The following SVEP1 variants were observed in gnomAD, a reference collection of about 807,000 sequenced individuals.
SVEP1 encodes sushi, von Willebrand factor type A, EGF and pentraxin domain-containing protein 1.
In SVEP1, 164 loss-of-function variants were observed where a neutral mutation model predicts 367.3. That is an observed-to-expected ratio of 0.45 (90% confidence interval 0.39 to 0.51). The LOEUF is 0.51. SVEP1 is among the 20% of genes least tolerant of loss of function. SVEP1 has a pLI of 0.00. For missense variants in SVEP1, 4,117 were observed against 4,425.3 expected, an observed-to-expected ratio of 0.93 and a Z score of 1.98; for synonymous variants, 1,666 against 1,611.6, an observed-to-expected ratio of 1.03 and a Z score of -0.81.
At chr9:110,424,434 TA>T (rs1459500572) in intron 36 of SVEP1, among the ~76,000 whole-genome samples, 1 of 152,176 alleles carries the variant, frequency 6.6e-6, no homozygotes, top group African/African-American at 2.4e-5. Flanking sequence ...TTAAAATATA[TA>T]AATTAATAGG....
chr9:110,527,235 G>A (rs1829950453), intron 3 of SVEP1, among the ~76,000 whole-genome samples: 1 of 151,906 alleles, frequency 6.6e-6, no homozygotes, highest in Non-Finnish European at 1.5e-5. Flanking sequence ...GAGGATCTCT[G>A]TATATTACTT....
chr9:110,390,259 GTATGTATATATATACT>G (rs1564127426), intron 40 of SVEP1, among the ~76,000 whole-genome samples: 9 of 53,922 alleles, frequency 1.7e-4, no homozygotes, highest in Non-Finnish European at 3.0e-4. Context: ...ACTTATATAA[GTATGTATATATATACT>G]TATATATATA....
chr9:110,385,832 A>C, intron 43 of SVEP1, 66 bp downstream of exon 43: 2 of 1,524,892 alleles, frequency 1.3e-6, no homozygotes, highest in Non-Finnish European at 1.8e-6. Context: ...GATTGAAAAC[A>C]ACCTCACAGG....
chr9:110,434,532 A>T (rs1301216837), intron 29 of SVEP1, 26 bp from the exon 30 acceptor site: 1 of 1,605,486 alleles, frequency 6.2e-7, no homozygotes, highest in Middle Eastern at 2.0e-4. Context: ...ACAGGTGCAG[A>T]GCTTGTCAGC....
chr9:110,543,010 G>A (rs1039536576), intron 3 of SVEP1, among the ~76,000 whole-genome samples: 14 of 148,786 alleles, frequency 9.4e-5, no homozygotes, highest in African/African-American at 3.4e-4. Context: ...AAAAATAAAG[G>A]GGCTCACTGC....
chr9:110,544,045 C>T (rs1376719788), intron 3 of SVEP1, among the ~76,000 whole-genome samples: 2 of 151,374 alleles, frequency 1.3e-5, no homozygotes, highest in South Asian at 2.1e-4. Context: ...GGGGTTTCTG[C>T]CAGCTGGGAT....
intron 6 of SVEP1, among the ~76,000 whole-genome samples, chr9:110,501,731 A>T (rs1829535442): frequency 6.6e-6 from 1 of 152,196 alleles, no homozygotes; most frequent in South Asian, 2.1e-4. Flanking sequence ...TGAGTTTTAA[A>T]ACATTTTACT....
At chr9:110,489,535 C>T (rs1021345206) in intron 9 of SVEP1, 115 bp downstream of exon 9, 4 of 994,782 alleles carry the variant, frequency 4.0e-6, no homozygotes, top group Admixed American at 5.1e-5. Context: ...GGGAAAGACC[C>T]ACCTCTATGA....
rs766861284 is a variant in SVEP1, at chr9:110,407,668, T to A, written c.7932A>T (p.Pro2644=). 1 of 1,613,896 alleles carries A rather than the reference T, an allele frequency of 6.2e-7. No homozygotes were observed. The change falls in exon 38 of 48, where the codon CCA becomes CCT. Residue 2644 remains proline, a synonymous_variant. Coordinates refer to ENST00000374469, the MANE Select transcript of SVEP1 (RefSeq NM_153366.4). ...GATAAGGAGGGTGAGGAGTCACATA[T>A]GGAACTTCCATCATGTCGTCTTCTT... ...FEQEDDMMEV[P]YVTPHPPYHL...
chr9:110,493,466 G>C (rs1564158453), intron 8 of SVEP1, among the ~76,000 whole-genome samples: 1 of 152,148 alleles, frequency 6.6e-6, no homozygotes, highest in Non-Finnish European at 1.5e-5. Context: ...AGGCACGGTT[G>C]GCTCATGCCT....
At chr9:110,429,481 A>AT (rs148059692) in intron 34 of SVEP1, 147 bp from the exon 35 acceptor site, 1,438 of 526,302 alleles carry the variant, frequency 2.7e-3, no homozygotes, top group Middle Eastern at 5.2e-3. Flanking sequence ...TTTTAAATTA[A>AT]TTTTTTTTTT....
chr9:110,457,145 A>G (rs1232534446), intron 21 of SVEP1, 111 bp downstream of exon 21: 11 of 820,752 alleles, frequency 1.3e-5, no homozygotes, highest in African/African-American at 3.6e-5. Flanking sequence ...GCACATTTAC[A>G]TGGTCTAATG....
chr9:110,439,696 G>C (rs187131074), intron 27 of SVEP1, among the ~76,000 whole-genome samples: 2 of 151,992 alleles, frequency 1.3e-5, no homozygotes, highest in African/African-American at 4.8e-5. Context: ...CACTGCGCCC[G>C]GCCAATGTTG....
At chr9:110,496,217 A>C (rs1216186604) in intron 8 of SVEP1, among the ~76,000 whole-genome samples, 1 of 152,214 alleles carries the variant, frequency 6.6e-6, no homozygotes, top group African/African-American at 2.4e-5. Context: ...ATTGGATTGA[A>C]GGATACGAAG....
chr9:110,388,342 AGAATCTCAAAAAATGG>A lies in SVEP1; in HGVS notation c.9887-900_9887-885del, dbSNP rs1174026901. Among the ~76,000 whole-genome samples, 4 of 152,342 alleles carry A rather than the reference AGAATCTCAAAAAATGG, an allele frequency of 2.6e-5. No individual in the cohort carries two copies. The East Asian group carries it at 7.7e-4, about 29-fold the overall frequency. On this transcript the variant is annotated intron_variant, in intron 41 of 47. Transcript: ENST00000374469. ...TGAGGAAAATAGGATCACCCTTTCA[AGAATCTCAAAAAATGG>A]GCTTGAGTCTTAATTTTATAATTTT...
intron 40 of SVEP1, among the ~76,000 whole-genome samples, chr9:110,399,691 G>A (rs933443307): frequency 2.0e-5 from 3 of 151,678 alleles, no homozygotes; most frequent in South Asian, 4.2e-4. Flanking sequence ...ATTCCATCAC[G>A]CCTGGCCATT....
intron 36 of SVEP1, among the ~76,000 whole-genome samples, chr9:110,423,826 C>G (rs7031608): frequency 0.011 from 1,710 of 152,246 alleles, 30 homozygotes; most frequent in African/African-American, 0.039. Context: ...ACAAACAATT[C>G]ATCCCTAGAA....
intron 41 of SVEP1, among the ~76,000 whole-genome samples, chr9:110,388,532 CCCCAAACAATTCAAATGTGAACTCAGAG>C: frequency 6.6e-6 from 1 of 152,124 alleles, no homozygotes; most frequent in South Asian, 2.1e-4. Flanking sequence ...ATTAAAAATT[CCCCAAACAATTCAAATGTGAACTCAGAG>C]TTGAGTCCCT....
chr9:110,379,338 T>G lies in SVEP1; in HGVS notation c.10408+9A>C, dbSNP rs1333315606. The stretch of plus-strand genomic sequence containing the variant: ...TCACTAAGAAATAACCATTCAAATA[T>G]TTCCTTACCTCTGCAAATAGGAGGT... On this transcript the variant is annotated intron_variant, in intron 44 of 47. Transcript: ENST00000374469. The G allele has an allele frequency of 6.2e-7, 1 of 1,612,310 alleles. No homozygotes were observed.
Sources: gnomAD v4.1 joint callset for allele counts (sites outside exome capture counted in the v4.1 genomes callset) on GRCh38, gnomAD v4.1.1 for gene constraint, MANE v1.5 for transcripts, NCBI Gene and HGNC (gene_info 2026-07-23, HGNC 2026-07-21) for gene names.